The following GSG1L variants were observed in gnomAD, a reference collection of about 807,000 sequenced individuals.
GSG1L encodes GSG1 like, also known as germ cell-specific gene 1-like protein.
GSG1L carries 24 observed loss-of-function variants against 42.1 expected under a neutral mutation model. The observed-to-expected ratio is 0.57, with a 90% CI of 0.41 to 0.80. The LOEUF is 0.80. Ranked by LOEUF, GSG1L falls within the 30% of genes least tolerant of loss-of-function variation. GSG1L has a pLI of 0.00. For synonymous variants in GSG1L, 215 were observed against 203.5 expected (o/e 1.06, Z -0.48); for missense variants, 445 against 472.2 (o/e 0.94, Z 0.53).
intron 3 of GSG1L, among the ~76,000 whole-genome samples, chr16:27,879,040 T>TG (rs34358044): frequency 0.079 from 12,031 of 151,948 alleles, 942 homozygotes; most frequent in African/African-American, 0.17. Context: ...ATATCAAGGC[T>TG]GGGGGGTTTT....
intron 2 of GSG1L, among the ~76,000 whole-genome samples, chr16:27,926,352 G>A (rs1355611735): frequency 6.6e-6 from 1 of 152,206 alleles, no homozygotes; most frequent in Non-Finnish European, 1.5e-5. Flanking sequence ...GGACAGTCTA[G>A]TGGGTGGAGG....
chr16:27,869,885 C>G (rs1376008606), intron 3 of GSG1L, among the ~76,000 whole-genome samples: 1 of 131,690 alleles, frequency 7.6e-6, no homozygotes, highest in Non-Finnish European at 1.7e-5. Context: ...ATCTCTCTGT[C>G]TCTGTCTCCC....
At chr16:27,882,133 C>T (rs2083965472) in intron 3 of GSG1L, among the ~76,000 whole-genome samples, 1 of 152,166 alleles carries the variant, frequency 6.6e-6, no homozygotes, top group Admixed American at 6.6e-5. Context: ...CTTTCTCATG[C>T]TGTTCTCCTG....
intron 2 of GSG1L, among the ~76,000 whole-genome samples, chr16:27,885,386 C>A: frequency 6.6e-6 from 1 of 152,120 alleles, no homozygotes; most frequent in East Asian, 1.9e-4. Flanking sequence ...TGGGCTCAAG[C>A]TATTTGCCTG....
chr16:27,899,243 C>T (rs1375954585), intron 2 of GSG1L, among the ~76,000 whole-genome samples: 7 of 152,218 alleles, frequency 4.6e-5, no homozygotes, highest in African/African-American at 1.4e-4. Flanking sequence ...AGCATTTACC[C>T]GCTGCGAGTT....
chr16:27,935,414 G>A (rs902991943), intron 2 of GSG1L, among the ~76,000 whole-genome samples: 4 of 152,154 alleles, frequency 2.6e-5, no homozygotes, highest in Non-Finnish European at 5.9e-5. Flanking sequence ...GTCTGACTTG[G>A]GGCTCTTGAC....
chr16:27,845,913 T>A (rs2083437706), intron 3 of GSG1L, among the ~76,000 whole-genome samples: 1 of 152,124 alleles, frequency 6.6e-6, no homozygotes, highest in Admixed American at 6.5e-5. Flanking sequence ...ATAAACTTTT[T>A]TTTTTTTGAG....
intron 1 of GSG1L, among the ~76,000 whole-genome samples, chr16:27,978,506 C>T (rs2085275633): frequency 1.3e-5 from 2 of 152,018 alleles, no homozygotes; most frequent in African/African-American, 2.4e-5. Flanking sequence ...GCCTGGCCAA[C>T]ATAGCAAAAC....
chr16:27,886,540 C>T (rs1013607404), intron 2 of GSG1L, among the ~76,000 whole-genome samples: 1 of 152,206 alleles, frequency 6.6e-6, no homozygotes, highest in African/African-American at 2.4e-5. Context: ...TTATAAATAG[C>T]ACATAGTAAG....
chr16:27,927,510 T>C (rs1184297305), intron 2 of GSG1L, among the ~76,000 whole-genome samples: 2 of 151,756 alleles, frequency 1.3e-5, no homozygotes. Flanking sequence ...CCCTCCCAAG[T>C]CTCCACACTC....
chr16:28,058,958 G>A (rs531735761), intron 1 of GSG1L, among the ~76,000 whole-genome samples: 3 of 152,200 alleles, frequency 2.0e-5, no homozygotes, highest in Non-Finnish European at 2.9e-5. Flanking sequence ...ACGATGACTC[G>A]GATGCTGGGT....
Position 27,816,207 on chromosome 16 carries a change from C to T in GSG1L, c.831-8653G>A, listed in dbSNP as rs1356294897. Among the ~76,000 whole-genome samples the T allele has an allele frequency of 2.0e-5, 3 of 152,214 alleles. No homozygotes were observed. The South Asian group carries it at 6.2e-4, about 32-fold the overall frequency. On this transcript the variant is annotated intron_variant, in intron 5 of 6. Transcript: ENST00000447459. The stretch of plus-strand genomic sequence containing the variant: ...CTATCCGGTGCCCCCTCCCCAAACA[C>T]ACACTCCTTTCCTCCATTCCAGCAT...
At chr16:27,940,714 G>C (rs867181469) in intron 2 of GSG1L, among the ~76,000 whole-genome samples, 2 of 112,792 alleles carry the variant, frequency 1.8e-5, no homozygotes, top group Non-Finnish European at 3.8e-5. Context: ...GGGGTGGGGG[G>C]AGTGGGGAGG....
At chr16:27,839,897 C>G (rs2083359681) in intron 4 of GSG1L, among the ~76,000 whole-genome samples, 1 of 152,254 alleles carries the variant, frequency 6.6e-6, no homozygotes. Context: ...AATTGTGTGG[C>G]TTTCAACCTG....
intron 1 of GSG1L, among the ~76,000 whole-genome samples, chr16:27,988,702 T>C (rs747117370): frequency 6.6e-6 from 1 of 151,264 alleles, no homozygotes; most frequent in Non-Finnish European, 1.5e-5. Context: ...TTATGTCATA[T>C]TAATAAGAGA....
chr16:27,801,402 G>C (rs1236831563), intron 6 of GSG1L, among the ~76,000 whole-genome samples: 1 of 152,228 alleles, frequency 6.6e-6, no homozygotes, highest in African/African-American at 2.4e-5. Context: ...GCTTAGCACA[G>C]ACCTGCACAC....
At chr16:27,918,622 G>A (rs549412685) in intron 2 of GSG1L, among the ~76,000 whole-genome samples, 15 of 149,964 alleles carry the variant, frequency 1.0e-4, no homozygotes, top group Non-Finnish European at 2.2e-4. Context: ...TCATGCCATT[G>A]CACTCCAGCC....
chr16:27,835,804 A>C (rs2083315849), intron 4 of GSG1L, among the ~76,000 whole-genome samples: 1 of 152,102 alleles, frequency 6.6e-6, no homozygotes, highest in African/African-American at 2.4e-5. Flanking sequence ...TCCTTCATTT[A>C]TAATATAATT....
chr16:28,048,189 C>T (rs916822851), intron 1 of GSG1L, among the ~76,000 whole-genome samples: 1 of 152,060 alleles, frequency 6.6e-6, no homozygotes, highest in South Asian at 2.1e-4. Context: ...GATGTTGTCA[C>T]TGCACTCCAG....
Sources: gnomAD v4.1 joint callset for allele counts (sites outside exome capture counted in the v4.1 genomes callset) on GRCh38, gnomAD v4.1.1 for gene constraint, MANE v1.5 for transcripts, NCBI Gene and HGNC (gene_info 2026-07-23, HGNC 2026-07-21) for gene names.